The following SSBP2 variants were observed in gnomAD, a reference collection of about 807,000 sequenced individuals.
The protein encoded by SSBP2 is single stranded DNA binding protein 2, also known as single-stranded DNA-binding protein 2.
In SSBP2, 17 loss-of-function variants were observed where a neutral mutation model predicts 61.8. The ratio of observed to expected loss-of-function variants is 0.28; its 90% CI spans 0.19 to 0.41. The LOEUF is 0.41. Among genes scored for constraint, SSBP2 ranks in the 10% least tolerant of loss-of-function variants. SSBP2 has a pLI of 1.00. For synonymous variants in SSBP2, 139 were observed against 141.3 expected (o/e 0.98, Z 0.12); for missense variants, 310 against 458.7 (o/e 0.68, Z 2.96).
intron 4 of SSBP2, among the ~76,000 whole-genome samples, chr5:81,564,164 T>C (rs898021074): frequency 1.3e-5 from 2 of 152,072 alleles, no homozygotes; most frequent in Non-Finnish European, 2.9e-5. Flanking sequence ...ACATCACTAA[T>C]CAGGAAAATA....
At chr5:81,596,508 C>CA in intron 4 of SSBP2, among the ~76,000 whole-genome samples, 1 of 61,048 alleles carries the variant, frequency 1.6e-5, no homozygotes, top group East Asian at 3.9e-4. Flanking sequence ...CATATGGAAG[C>CA]AAAAAAGAGC....
rs1442825729 is a variant in SSBP2, at chr5:81,417,063, C to G, written c.*3441G>C. The G allele has an allele frequency of 6.6e-6, 1 of 152,112 alleles. No individual in the cohort carries two copies. The highest frequency in any genetic ancestry group is 1.9e-4 in the East Asian group (1 of 5,194). The allele number at this position is 152,112 out of a possible 1,614,324, so 9.4% of individuals were successfully genotyped here. ...TTTTAGTAGAGATGGGGGGGTTTCA[C>G]CAGGTTGGCCAGGCTGGTCTTGAAC... On this transcript the variant is annotated 3_prime_UTR_variant, in exon 17 of 17. Transcript: ENST00000320672.
intron 4 of SSBP2, among the ~76,000 whole-genome samples, chr5:81,602,982 T>C (rs1341020929): frequency 6.6e-6 from 1 of 152,232 alleles, no homozygotes; most frequent in Non-Finnish European, 1.5e-5. Context: ...ACAGTCTTTC[T>C]ACCCACCAGC....
At chr5:81,667,286 TACACACACACACACACACACACACACAC>T (rs71605804) in intron 1 of SSBP2, among the ~76,000 whole-genome samples, 2 of 133,732 alleles carry the variant, frequency 1.5e-5, no homozygotes, top group Non-Finnish European at 3.2e-5. Context: ...GGGATACAGA[TACACACACACACACACACACACACACAC>T]ACACACACAC....
chr5:81,666,220 G>A (rs543857195), intron 1 of SSBP2, among the ~76,000 whole-genome samples: 2 of 152,156 alleles, frequency 1.3e-5, no homozygotes, highest in South Asian at 2.1e-4. Context: ...CACTTATAAC[G>A]TATTTTTTAT....
chr5:81,593,553 G>A (rs1464240372), intron 4 of SSBP2, among the ~76,000 whole-genome samples: 1 of 152,186 alleles, frequency 6.6e-6, no homozygotes, highest in Admixed American at 6.5e-5. Context: ...ATTCACCAAA[G>A]TTGAAATGAA....
At chr5:81,611,325 G>A (rs1745420598) in intron 4 of SSBP2, among the ~76,000 whole-genome samples, 2 of 152,048 alleles carry the variant, frequency 1.3e-5, no homozygotes, top group Admixed American at 1.3e-4. Context: ...ATAAAAGTAA[G>A]AGATATATTC....
chr5:81,505,785 T>C (rs1768137463), intron 5 of SSBP2, among the ~76,000 whole-genome samples: 2 of 152,144 alleles, frequency 1.3e-5, no homozygotes, highest in Non-Finnish European at 1.5e-5. Flanking sequence ...AGGAGTAGCA[T>C]GAAAAGTGAA....
rs113998886 is a variant in SSBP2, at chr5:81,720,487, C to T, written c.62+30494G>A. ...AACACTAAAGCTTCAGGTGCTAAAA[C>T]AGCATATAGGCTAAGCTTTTCAAGT... On this transcript the variant is annotated intron_variant, in intron 1 of 16. Transcript: ENST00000320672. Among the ~76,000 whole-genome samples, 396 of 152,316 alleles carry T rather than the reference C, an allele frequency of 2.6e-3. 1 individual carries two copies. Among genetic ancestry groups the T allele is most frequent in the African/African-American group, 9.1e-3 (377 of 41,566 alleles).
chr5:81,600,132 CAGA>C (rs1018672526), intron 4 of SSBP2, among the ~76,000 whole-genome samples: 1 of 152,022 alleles, frequency 6.6e-6, no homozygotes, highest in African/African-American at 2.4e-5. Context: ...TTAAATGTAA[CAGA>C]AGATGTAGAT....
chr5:81,566,660 A>T (rs776224217), intron 4 of SSBP2, among the ~76,000 whole-genome samples: 1 of 152,168 alleles, frequency 6.6e-6, no homozygotes, highest in African/African-American at 2.4e-5. Context: ...TGTGGAAGCA[A>T]CTTTGGTTGG....
At chr5:81,598,479 A>G (rs1400117570) in intron 4 of SSBP2, among the ~76,000 whole-genome samples, 1 of 152,194 alleles carries the variant, frequency 6.6e-6, no homozygotes, top group Non-Finnish European at 1.5e-5. Context: ...CAAAGAACCC[A>G]TAAGCACAAT....
chr5:81,590,305 T>C (rs1775401595), intron 4 of SSBP2, among the ~76,000 whole-genome samples: 2 of 152,330 alleles, frequency 1.3e-5, no homozygotes, highest in South Asian at 4.1e-4. Context: ...AGTATGATTA[T>C]ATATTGAGGA....
At chr5:81,538,183 C>T (rs1770963683) in intron 4 of SSBP2, among the ~76,000 whole-genome samples, 1 of 152,136 alleles carries the variant, frequency 6.6e-6, no homozygotes, top group Non-Finnish European at 1.5e-5. Context: ...TCCAGTGAAA[C>T]ACAGATGATA....
intron 4 of SSBP2, among the ~76,000 whole-genome samples, chr5:81,542,824 T>TCC (rs1270783523): frequency 9.4e-5 from 12 of 128,110 alleles, no homozygotes; most frequent in African/African-American, 2.9e-4. Flanking sequence ...AGTTTCTCTC[T>TCC]CTCTCTCTCT....
intron 4 of SSBP2, among the ~76,000 whole-genome samples, chr5:81,582,928 T>C (rs1199886044): frequency 1.3e-5 from 2 of 152,028 alleles, no homozygotes; most frequent in Non-Finnish European, 2.9e-5. Flanking sequence ...TTTCCTAAAA[T>C]ATAAATAACA....
chr5:81,476,070 C>G (rs1765570345), intron 6 of SSBP2, among the ~76,000 whole-genome samples: 1 of 152,024 alleles, frequency 6.6e-6, no homozygotes, highest in Non-Finnish European at 1.5e-5. Flanking sequence ...ATCAGCCTTT[C>G]TCCTTTTCTT....
At chr5:81,544,558 A>C (rs958099366) in intron 4 of SSBP2, among the ~76,000 whole-genome samples, 4 of 152,334 alleles carry the variant, frequency 2.6e-5, no homozygotes, top group Admixed American at 6.5e-5. Context: ...GATTCCACAG[A>C]AAGACATAAA....
intron 1 of SSBP2, among the ~76,000 whole-genome samples, chr5:81,659,528 T>C (rs1750508732): frequency 6.6e-6 from 1 of 152,050 alleles, no homozygotes; most frequent in African/African-American, 2.4e-5. Context: ...CACAAACAAA[T>C]GGAAAAACAT....
Sources: gnomAD v4.1 joint callset for allele counts (sites outside exome capture counted in the v4.1 genomes callset) on GRCh38, gnomAD v4.1.1 for gene constraint, MANE v1.5 for transcripts, NCBI Gene and HGNC (gene_info 2026-07-23, HGNC 2026-07-21) for gene names.